GRAMD1C: variants seen among roughly 807,000 people sequenced by gnomAD.
GRAMD1C encodes protein Aster-C.
GRAMD1C carries 89 observed loss-of-function variants against 97.8 expected under a neutral mutation model. The observed-to-expected ratio is 0.91, with a 90% CI of 0.77 to 1.09. GRAMD1C has a LOEUF of 1.09. Among genes scored for constraint, GRAMD1C ranks in the 50% least tolerant of loss-of-function variants. GRAMD1C has a pLI of 0.00. For synonymous variants in GRAMD1C, 256 were observed against 267.0 expected, an observed-to-expected ratio of 0.96 and a Z score of 0.40; for missense variants, 740 against 766.4, an observed-to-expected ratio of 0.97 and a Z score of 0.41.
At chr3:113,841,606 A>G (rs563230452) in intron 1 of GRAMD1C, among the ~76,000 whole-genome samples, 6 of 152,162 alleles carry the variant, frequency 3.9e-5, no homozygotes, top group African/African-American at 1.4e-4. Context: ...TAGGTCTTAC[A>G]TAACAAGTTT....
In GRAMD1C at chr3:113,930,752, G is replaced by C. The variant is rs757519916; in HGVS notation, c.1129G>C (p.Asp377His). 6.2e-6 allele frequency: 10 copies of C among 1,610,742 alleles called. No individual in the cohort carries two copies. In the South Asian group the frequency reaches 1.1e-4, roughly 18 times the overall value. ...STPWTAELGG[D>H]QLRTMTYTIV... is the part of the protein sequence containing the mutation. ...CCCTTGGACTGCAGAACTTGGAGGT[G>C]ATCAGCTGAGAACGATGACCTACAC... Residue 377 changes from aspartate to histidine, a missense_variant, in exon 11 of 18, where the codon GAT becomes CAT. Coordinates refer to ENST00000358160, the MANE Select transcript of GRAMD1C (RefSeq NM_017577.5).
chr3:113,877,214 C>T (rs76994216), intron 5 of GRAMD1C, among the ~76,000 whole-genome samples: 9 of 152,312 alleles, frequency 5.9e-5, no homozygotes, highest in Non-Finnish European at 1.2e-4. Context: ...GCTTTTGCTC[C>T]TGCACTAATT....
chr3:113,911,344 T>TAGGG (rs751715564), intron 9 of GRAMD1C, among the ~76,000 whole-genome samples: 9 of 151,846 alleles, frequency 5.9e-5, no homozygotes, highest in Non-Finnish European at 1.2e-4. Flanking sequence ...CAAGCGATTC[T>TAGGG]TGTGCCTCAC....
At chr3:113,886,143 GTCTGCCCCTCCCACCCCTC>G in intron 6 of GRAMD1C, 1 of 1,466,872 alleles carries the variant, frequency 6.8e-7, no homozygotes, top group Non-Finnish European at 9.0e-7. Flanking sequence ...CCTGGGCAGG[GTCTGCCCCTCCCACCCCTC>G]TCTGCCCTGG....
chr3:113,884,967 C>G (rs537244312), intron 6 of GRAMD1C, among the ~76,000 whole-genome samples: 1 of 147,510 alleles, frequency 6.8e-6, no homozygotes, highest in African/African-American at 2.5e-5. Context: ...GCCCCCTCCC[C>G]CAATTATCCT....
Position 113,933,512 on chromosome 3 carries a change from C to A in GRAMD1C, c.1211C>A (p.Thr404Lys). The A allele has an allele frequency of 6.2e-7, 1 of 1,607,034 alleles. No homozygotes were observed. Among genetic ancestry groups the A allele is most frequent in the Non-Finnish European group, 8.5e-7 (1 of 1,173,832 alleles). The change falls in exon 12 of 18, where the codon ACA (threonine) becomes AAA (lysine). Residue 404 changes from threonine (T) to lysine (K), a missense_variant and splice_region_variant. Transcript: ENST00000358160. ...ACATTTTTTATCTTACTTTGGCAGA[C>A]ACTGTATAAAGAAAGTCGGGAAGCA... The part of the protein sequence containing the change: ...GKCTAATEKQ[T>K]LYKESREARF...
At chr3:113,906,054 T>A (rs1467559549) in intron 8 of GRAMD1C, among the ~76,000 whole-genome samples, 1 of 152,176 alleles carries the variant, frequency 6.6e-6, no homozygotes, top group African/African-American at 2.4e-5. Context: ...GGTACCATCA[T>A]AACATGGTAA....
chr3:113,908,926 T>C (rs780768067), intron 8 of GRAMD1C, 32 bp from the exon 9 acceptor site: 55 of 1,415,746 alleles, frequency 3.9e-5, no homozygotes, highest in Non-Finnish European at 5.1e-5. Flanking sequence ...AAACCTGTGT[T>C]TTATTTTGAA....
At position 113,945,546 on chromosome 3, in the gene GRAMD1C, G is replaced by A. The variant is rs1938031068; in HGVS notation, c.*68G>A. ...GAAAATACCTGGAAGAAAACCAGAC[G>A]AATGAAGGATTTTGGCATAGAACAT... On this transcript the variant is annotated 3_prime_UTR_variant, in exon 18 of 18. Transcript: ENST00000358160. 6.1e-6 allele frequency: 5 copies of A among 815,826 alleles called. No homozygotes were observed. Among genetic ancestry groups the A allele is most frequent in the East Asian group, 5.0e-5 (2 of 40,284 alleles). The allele number at this position is 815,826 out of a possible 1,614,324, so 50.5% of individuals were successfully genotyped here. A position where few individuals can be genotyped will look rare whatever the true frequency, so the allele number is the denominator to read the frequency against.
At chr3:113,885,470 A>G in intron 6 of GRAMD1C, 1 of 1,599,150 alleles carries the variant, frequency 6.3e-7, no homozygotes, top group Non-Finnish European at 8.6e-7. Context: ...TGGCTAGCCC[A>G]GGTGAGGAGG....
chr3:113,836,556 T>C (rs1709634381), upstream of GRAMD1C, among the ~76,000 whole-genome samples: 1 of 151,664 alleles, frequency 6.6e-6, no homozygotes, highest in Non-Finnish European at 1.5e-5. Flanking sequence ...TCCCCATGGA[T>C]AACAGGGAAC....
chr3:113,885,233 C>T, intron 6 of GRAMD1C: 1 of 972,332 alleles, frequency 1.0e-6, no homozygotes, highest in Non-Finnish European at 1.6e-6. Flanking sequence ...CGGGGGTTGC[C>T]CCCGGGGGGC....
At chr3:113,942,055 A>C (rs1937818975) in intron 17 of GRAMD1C, among the ~76,000 whole-genome samples, 1 of 151,256 alleles carries the variant, frequency 6.6e-6, no homozygotes, top group Non-Finnish European at 1.5e-5. Context: ...CTGGAACTTC[A>C]GGTGTGAGCC....
At chr3:113,905,829 G>A (rs1402493873) in intron 8 of GRAMD1C, among the ~76,000 whole-genome samples, 1 of 152,046 alleles carries the variant, frequency 6.6e-6, no homozygotes, top group African/African-American at 2.4e-5. Flanking sequence ...CTGAGTAGCT[G>A]GGACTACAGG....
At chr3:113,891,966 GCTT>G (rs753115984) in intron 6 of GRAMD1C, among the ~76,000 whole-genome samples, 1 of 151,676 alleles carries the variant, frequency 6.6e-6, no homozygotes, top group Non-Finnish European at 1.5e-5. Context: ...ACTTCTGCTT[GCTT>G]CTTGCATGAG....
intron 6 of GRAMD1C, among the ~76,000 whole-genome samples, chr3:113,886,752 GTTGTTTTTTTTTGTTTGTTTGC>G (rs1227812184): frequency 1.2e-4 from 18 of 145,712 alleles, no homozygotes; most frequent in Non-Finnish European, 2.4e-4. Context: ...AGAACCAAAA[GTTGTTTTTTTTTGTTTGTTTGC>G]TTGTTTTTTT....
intron 9 of GRAMD1C, chr3:113,913,139 CT>C: frequency 7.8e-7 from 1 of 1,275,682 alleles, no homozygotes; most frequent in Non-Finnish European, 1.0e-6. Context: ...AAGATCTACT[CT>C]GGCCCCCAGT....
chr3:113,837,650 G>A (rs1709658107), upstream of GRAMD1C, among the ~76,000 whole-genome samples: 1 of 152,180 alleles, frequency 6.6e-6, no homozygotes, highest in Non-Finnish European at 1.5e-5. Context: ...ACTTTGGGAG[G>A]CCGAAGGGGG....
Position 113,901,135 on chromosome 3 carries a change from T to C in GRAMD1C, c.645T>C (p.Asp215=), listed in dbSNP as rs373977590. Residue 215 remains aspartate, a synonymous_variant, in exon 7 of 18, where the codon GAT becomes GAC. Transcript: ENST00000358160. ...AAAACTTGTCACTGTCGATTGAGGA[T>C]GTGCAGCCAAGGTACAGCAAAATGT... ...EMENLSLSIE[D]VQPRSPGRSS... is the part of the protein sequence containing the mutation. 10 of 1,559,962 alleles carry C rather than the reference T, an allele frequency of 6.4e-6. No individual in the cohort carries two copies. Among genetic ancestry groups the C allele is most frequent in the African/African-American group, 2.7e-5 (2 of 73,864 alleles).
Sources: allele counts gnomAD v4.1 joint callset (sites outside exome capture counted in the v4.1 genomes callset), GRCh38; gene constraint gnomAD v4.1.1; transcripts MANE v1.5; gene names NCBI Gene and HGNC (gene_info 2026-07-23, HGNC 2026-07-21).